The following KCNT2 variants were observed in gnomAD, a reference collection of about 807,000 sequenced individuals.
The protein encoded by KCNT2 is potassium sodium-activated channel subfamily T member 2, also known as potassium channel subfamily T member 2.
A neutral mutation model predicts 153.8 loss-of-function variants in KCNT2; 67 were observed. The observed-to-expected ratio is 0.44, with a 90% CI of 0.36 to 0.53. The LOEUF is 0.53. Ranked by LOEUF, KCNT2 falls within the 20% of genes least tolerant of loss-of-function variation. The pLI is 0.00. For synonymous variants in KCNT2, 500 were observed against 458.8 expected, an observed-to-expected ratio of 1.09 and a Z score of -1.15; for missense variants, 975 against 1,354.8, an observed-to-expected ratio of 0.72 and a Z score of 4.40.
chr1:196,564,508 T>G (rs1315672197), intron 1 of KCNT2, among the ~76,000 whole-genome samples: 1 of 151,682 alleles, frequency 6.6e-6, no homozygotes, highest in Non-Finnish European at 1.5e-5. Context: ...TTCCAAAATT[T>G]GAATGAAGCC....
chr1:196,404,104 A>C, intron 12 of KCNT2: 1 of 950,170 alleles, frequency 1.1e-6, no homozygotes, highest in Non-Finnish European at 1.3e-6. Flanking sequence ...AATAGATACT[A>C]AATCTTCAGC....
chr1:196,324,317 C>A (rs948351792), intron 19 of KCNT2, among the ~76,000 whole-genome samples: 14 of 151,676 alleles, frequency 9.2e-5, no homozygotes, highest in Non-Finnish European at 2.1e-4. Context: ...GTATTTTTTT[C>A]ATATATGAAA....
Position 196,423,030 on chromosome 1 carries a change from A to G in KCNT2, c.1185+20T>C, listed in dbSNP as rs1355670832. On this transcript the variant is annotated intron_variant, in intron 12 of 27. Transcript: ENST00000294725. ...TAAAATGGAAAGCACAACTTACTAA[A>G]AAAGATTTTAGAAACTTACAGATGA... The G allele has an allele frequency of 2.6e-6, 4 of 1,515,462 alleles. No homozygotes were observed. Among genetic ancestry groups the G allele is most frequent in the Non-Finnish European group, 3.6e-6 (4 of 1,118,310 alleles). 93.9% of individuals were successfully genotyped at this position (1,515,462 alleles called of 1,614,324 possible). A position where few individuals can be genotyped will look rare whatever the true frequency, so the allele number is the denominator to read the frequency against.
chr1:196,413,597 C>T (rs180807377), intron 12 of KCNT2, among the ~76,000 whole-genome samples: 2 of 151,626 alleles, frequency 1.3e-5, no homozygotes, highest in East Asian at 2.0e-4. Flanking sequence ...CTTTAAAAAG[C>T]GTATGTCATG....
chr1:196,289,640 G>A (rs993658986), intron 22 of KCNT2, among the ~76,000 whole-genome samples: 2 of 152,058 alleles, frequency 1.3e-5, no homozygotes, highest in Non-Finnish European at 2.9e-5. Flanking sequence ...TTTAACAGAG[G>A]TTTGAGAATG....
chr1:196,544,376 G>A (rs1656792247), intron 1 of KCNT2, among the ~76,000 whole-genome samples: 1 of 151,930 alleles, frequency 6.6e-6, no homozygotes, highest in South Asian at 2.1e-4. Flanking sequence ...TAAATTGATG[G>A]TCTTTAGAAA....
At chr1:196,519,776 A>C (rs1653101368) in intron 1 of KCNT2, among the ~76,000 whole-genome samples, 1 of 152,108 alleles carries the variant, frequency 6.6e-6, no homozygotes, top group Non-Finnish European at 1.5e-5. Context: ...ACCAAAAATG[A>C]GCTCTGAAAT....
chr1:196,423,321 T>C (rs974580030), intron 11 of KCNT2, among the ~76,000 whole-genome samples: 2 of 151,954 alleles, frequency 1.3e-5, no homozygotes, highest in Non-Finnish European at 2.9e-5. Context: ...GGGTTGTCTA[T>C]TATAACTTAA....
At chr1:196,327,015 G>T in intron 18 of KCNT2, 126 bp from the exon 19 acceptor site, 1 of 589,626 alleles carries the variant, frequency 1.7e-6, no homozygotes. Flanking sequence ...TAATAAATTT[G>T]AAAATAGTTA....
At chr1:196,426,399 C>T (rs1053944590) in intron 10 of KCNT2, among the ~76,000 whole-genome samples, 39 of 151,798 alleles carry the variant, frequency 2.6e-4, no homozygotes, top group African/African-American at 7.0e-4. Flanking sequence ...ATTGTGATAG[C>T]GATTTATATC....
chr1:196,465,486 G>T, intron 7 of KCNT2, 99 bp from the exon 8 acceptor site: 1 of 720,452 alleles, frequency 1.4e-6, no homozygotes, highest in Non-Finnish European at 2.5e-6. Context: ...CAACTCTCCT[G>T]TACACATACA....
intron 25 of KCNT2, among the ~76,000 whole-genome samples, chr1:196,275,567 T>A (rs2147847687): frequency 1.3e-5 from 2 of 152,056 alleles, no homozygotes; most frequent in East Asian, 3.9e-4. Context: ...AGGCAGTGCT[T>A]TCCCACTCCC....
intron 8 of KCNT2, among the ~76,000 whole-genome samples, chr1:196,464,651 T>G (rs572490450): frequency 6.6e-6 from 1 of 152,110 alleles, no homozygotes; most frequent in Non-Finnish European, 1.5e-5. Flanking sequence ...TTTTTGATGT[T>G]CACATTTTTT....
chr1:196,280,178 G>A (rs1658963640), intron 25 of KCNT2, among the ~76,000 whole-genome samples: 1 of 152,088 alleles, frequency 6.6e-6, no homozygotes, highest in African/African-American at 2.4e-5. Context: ...TGACCTAAAA[G>A]GTGATATTAC....
At chr1:196,480,058 T>C (rs895515242) in intron 4 of KCNT2, among the ~76,000 whole-genome samples, 4 of 152,304 alleles carry the variant, frequency 2.6e-5, no homozygotes, top group Non-Finnish European at 5.9e-5. Context: ...ATATTCTCTA[T>C]TGTATACACC....
In KCNT2 at chr1:196,227,537, C is replaced by T. The variant is rs149377502; in HGVS notation, c.*687G>A. 90 of 152,180 alleles carry T rather than the reference C, an allele frequency of 5.9e-4. 1 individual carries two copies. Among genetic ancestry groups the T allele is most frequent in the African/African-American group, 2.0e-3 (85 of 41,536 alleles). The allele number at this position is 152,180 out of a possible 1,614,324, so 9.4% of individuals were successfully genotyped here. A position where few individuals can be genotyped will look rare whatever the true frequency, so the allele number is the denominator to read the frequency against. ...TTCTTGGCATAAAATATTTGCTAGA[C>T]ATAAAGTTACCAAAAAGTGCAGGAA... is the stretch of plus-strand genomic sequence containing the variant. On this transcript the variant is annotated 3_prime_UTR_variant, in exon 28 of 28. Coordinates refer to ENST00000294725, the MANE Select transcript of KCNT2 (RefSeq NM_198503.5).
At chr1:196,261,445 T>A (rs1172926576) in intron 25 of KCNT2, among the ~76,000 whole-genome samples, 5 of 151,958 alleles carry the variant, frequency 3.3e-5, no homozygotes, top group Admixed American at 1.3e-4. Flanking sequence ...TAGTAAGATG[T>A]CTGTCTTAGA....
At chr1:196,531,491 T>C (rs1386266182) in intron 1 of KCNT2, among the ~76,000 whole-genome samples, 1 of 152,090 alleles carries the variant, frequency 6.6e-6, no homozygotes, top group Admixed American at 6.6e-5. Context: ...CTACTTTCTA[T>C]TATTAATGAG....
rs190621467 is a variant in KCNT2 at position 196,360,363 on chromosome 1, C to T, written c.1403+12777G>A. Among the ~76,000 whole-genome samples the T allele has an allele frequency of 1.1e-3, 162 of 151,952 alleles. 2 individuals carry two copies. Among genetic ancestry groups the T allele is most frequent in the Admixed American group, 7.4e-3 (113 of 15,212 alleles). ...TGCATATCATCTTTCTTAATTCCCA[C>T]GACTAAAGAAGCAGGCTTCTGTGGA... On this transcript the variant is annotated intron_variant, in intron 14 of 27. Coordinates refer to ENST00000294725, the MANE Select transcript of KCNT2 (RefSeq NM_198503.5).
Sources: allele counts gnomAD v4.1 joint callset (sites outside exome capture counted in the v4.1 genomes callset), GRCh38; gene constraint gnomAD v4.1.1; transcripts MANE v1.5; gene names NCBI Gene and HGNC (gene_info 2026-07-23, HGNC 2026-07-21).